Variants in ASAP2 observed in about 807,000 individuals in gnomAD.
ASAP2 encodes ArfGAP with SH3 domain, ankyrin repeat and PH domain 2, also known as arf-GAP with SH3 domain, ANK repeat and PH domain-containing protein 2.
Under a neutral mutation model 131.4 loss-of-function variants are expected in ASAP2, and 45 were observed. The ratio of observed to expected loss-of-function variants is 0.34; its 90% CI spans 0.27 to 0.44. ASAP2 has a LOEUF of 0.44. ASAP2 is among the 20% of genes least tolerant of loss of function. The pLI is 1.00. For missense variants in ASAP2, 1,011 were observed against 1,297.0 expected, an observed-to-expected ratio of 0.78 and a Z score of 3.39; for synonymous variants, 510 against 503.0, an observed-to-expected ratio of 1.01 and a Z score of -0.19.
At chr2:9,276,312 G>A (rs368370663) in intron 1 of ASAP2, among the ~76,000 whole-genome samples, 5 of 152,208 alleles carry the variant, frequency 3.3e-5, no homozygotes, top group African/African-American at 1.2e-4. Flanking sequence ...CACGGGCTGG[G>A]AAGACAGCAG....
intron 2 of ASAP2, among the ~76,000 whole-genome samples, chr2:9,279,662 G>A (rs1389030627): frequency 2.0e-5 from 3 of 152,112 alleles, no homozygotes; most frequent in Non-Finnish European, 2.9e-5. Context: ...CTGGAGCATC[G>A]TCCTGCACGT....
chr2:9,359,173 A>G (rs1672920504), intron 15 of ASAP2, among the ~76,000 whole-genome samples: 1 of 152,246 alleles, frequency 6.6e-6, no homozygotes, highest in Admixed American at 6.5e-5. Flanking sequence ...AGATGGTGAC[A>G]TAGACCAGCT....
intron 16 of ASAP2, among the ~76,000 whole-genome samples, chr2:9,373,439 C>A (rs79388546): frequency 6.6e-6 from 1 of 152,196 alleles, no homozygotes. Flanking sequence ...CACTCAGTTC[C>A]GTCTGGGTGC....
chr2:9,313,441 G>A (rs116546057), intron 3 of ASAP2, among the ~76,000 whole-genome samples: 17 of 152,014 alleles, frequency 1.1e-4, no homozygotes, highest in African/African-American at 3.6e-4. Flanking sequence ...GTGTACTCCC[G>A]CTTCATGAAA....
intron 1 of ASAP2, among the ~76,000 whole-genome samples, chr2:9,279,114 T>C (rs1420440728): frequency 6.6e-6 from 1 of 152,122 alleles, no homozygotes; most frequent in South Asian, 2.1e-4. Context: ...CTTAGTGCCA[T>C]TTGGAAACCA....
chr2:9,362,500 T>C (rs1673169563), intron 15 of ASAP2, among the ~76,000 whole-genome samples: 1 of 152,190 alleles, frequency 6.6e-6, no homozygotes, highest in Non-Finnish European at 1.5e-5. Flanking sequence ...AGTTAACATA[T>C]CTGTCACCTC....
chr2:9,293,703 G>A (rs1667968003), intron 2 of ASAP2, among the ~76,000 whole-genome samples: 1 of 152,176 alleles, frequency 6.6e-6, no homozygotes, highest in Non-Finnish European at 1.5e-5. Flanking sequence ...TGGGCACCGT[G>A]CTAGGTGTTA....
At chr2:9,369,853 G>C (rs929067038) in intron 16 of ASAP2, among the ~76,000 whole-genome samples, 11 of 152,016 alleles carry the variant, frequency 7.2e-5, no homozygotes, top group Admixed American at 7.2e-4. Flanking sequence ...AGAGAATTTA[G>C]ATTTTTTTTT....
intron 17 of ASAP2, among the ~76,000 whole-genome samples, chr2:9,376,456 G>T (rs1049018066): frequency 9.2e-5 from 14 of 152,240 alleles, no homozygotes; most frequent in African/African-American, 3.1e-4. Context: ...ATTAGCATTC[G>T]TAGCCTTGTC....
At chr2:9,390,275 T>A (rs1675616139) in intron 22 of ASAP2, among the ~76,000 whole-genome samples, 1 of 152,258 alleles carries the variant, frequency 6.6e-6, no homozygotes, top group Non-Finnish European at 1.5e-5. Context: ...CAAATGGAGT[T>A]GACAGTGTCA....
At chr2:9,208,522 C>G (rs1320247661) in intron 1 of ASAP2, among the ~76,000 whole-genome samples, 1 of 143,752 alleles carries the variant, frequency 7.0e-6, no homozygotes, top group African/African-American at 2.6e-5. Context: ...TAGCTGTAAA[C>G]AGTCAATAAA....
intron 2 of ASAP2, among the ~76,000 whole-genome samples, chr2:9,293,523 C>T (rs1250284126): frequency 1.3e-5 from 2 of 152,116 alleles, no homozygotes; most frequent in Non-Finnish European, 1.5e-5. Context: ...AAACTTTATT[C>T]CCAAGCTATT....
rs548146412 is a variant in ASAP2, at chr2:9,353,875, TGAGGTGGGGG to T, written c.1112-2169_1112-2160del. The stretch of plus-strand genomic sequence containing the variant: ...CTATAGTCCAAGCTACTTGGGAGGC[TGAGGTGGGGG>T]GATCACTTGAGTCCAGGAGTTTGAG... On this transcript the variant is annotated intron_variant, in intron 12 of 27. Coordinates refer to ENST00000281419, the MANE Select transcript of ASAP2 (RefSeq NM_003887.3). Among the ~76,000 whole-genome samples, 210 of 152,234 alleles carry T rather than the reference TGAGGTGGGGG, an allele frequency of 1.4e-3. 2 individuals are homozygous for T. Among genetic ancestry groups the T allele is most frequent in the Admixed American group, 3.6e-3 (55 of 15,294 alleles).
intron 9 of ASAP2, among the ~76,000 whole-genome samples, chr2:9,342,045 T>C (rs1671619814): frequency 6.6e-6 from 1 of 152,202 alleles, no homozygotes; most frequent in East Asian, 1.9e-4. Flanking sequence ...TAGACACTCA[T>C]GTGCATGGGT....
rs1365765964 is a variant in ASAP2 at position 9,334,827 on chromosome 2, C to T, written c.762+14C>T. 2 of 1,608,536 alleles carry T rather than the reference C, an allele frequency of 1.2e-6. No individual in the cohort carries two copies. The highest frequency in any genetic ancestry group is 8.5e-7 in the Non-Finnish European group (1 of 1,175,418). ...GATCTTCACACGGTGAGTAGCTTCC[C>T]TCCCACTGTGGTTTAAAACCATCTT... On this transcript the variant is annotated intron_variant, in intron 8 of 27. Transcript: ENST00000281419.
In ASAP2 at chr2:9,323,179, G is replaced by C. The variant is rs1265287388; in HGVS notation, c.529G>C (p.Glu177Gln). ...CAAGCTCCATGGGATGATTCGGACT[G>C]AAATAAGCGGAGCGGAAATTGCCGA... ...HAKLHGMIRT[E>Q]ISGAEIAEEM... Residue 177 changes from glutamate (E) to glutamine (Q), a missense_variant, in exon 6 of 28, where the codon GAA becomes CAA. Physicochemically the swap from Glu to Gln is conservative, Grantham distance 29. This residue lies in a region of ASAP2 where 359 missense variants were observed against 598.1 expected (regional missense o/e 0.60). Transcript: ENST00000281419. 2 of 1,614,244 alleles carry C rather than the reference G, an allele frequency of 1.2e-6. No individual in the cohort carries two copies. The highest frequency in any genetic ancestry group is 1.7e-6 in the Non-Finnish European group (2 of 1,180,052).
At chr2:9,236,231 A>G (rs148796879) in intron 1 of ASAP2, among the ~76,000 whole-genome samples, 1,652 of 152,116 alleles carry the variant, frequency 0.011, 107 homozygotes, top group Admixed American at 0.097. Context: ...TAAGTTTTGC[A>G]GTATGAAGTT....
At chr2:9,259,061 A>G (rs1376677336) in intron 1 of ASAP2, among the ~76,000 whole-genome samples, 2 of 152,266 alleles carry the variant, frequency 1.3e-5, no homozygotes, top group South Asian at 2.1e-4. Context: ...AGGGAAGGGA[A>G]TTGCTCTGGG....
chr2:9,323,085 A>C (rs748420875), intron 5 of ASAP2, 36 bp from the exon 6 acceptor site: 162 of 1,613,184 alleles, frequency 1.0e-4, no homozygotes, highest in Non-Finnish European at 1.3e-4. Flanking sequence ...TTCTGTGCCA[A>C]CAGGCATCTT....
Sources: allele counts gnomAD v4.1 joint callset (sites outside exome capture counted in the v4.1 genomes callset), GRCh38; gene constraint gnomAD v4.1.1; regional missense constraint gnomAD v4.1.1; transcripts MANE v1.5; gene names NCBI Gene and HGNC (gene_info 2026-07-23, HGNC 2026-07-21).